Variants in ADAMTSL2 observed in about 807,000 individuals in gnomAD.
The protein encoded by ADAMTSL2 is ADAMTS-like protein 2.
A neutral mutation model predicts 117.0 loss-of-function variants in ADAMTSL2; 55 were observed. The observed-to-expected ratio is 0.47, with a 90% CI of 0.38 to 0.59. ADAMTSL2 has a LOEUF of 0.59. Ranked by LOEUF, ADAMTSL2 falls within the 20% of genes least tolerant of loss-of-function variation. The pLI, the probability that ADAMTSL2 is intolerant of heterozygous loss-of-function variation, is 0.00. For synonymous variants in ADAMTSL2, 572 were observed against 566.4 expected (o/e 1.01, Z -0.14); for missense variants, 1,182 against 1,354.5 (o/e 0.87, Z 2.00).
At position 133,569,403 on chromosome 9, in the gene ADAMTSL2, T is replaced by A; in HGVS notation, c.2245-5T>A. The A allele has an allele frequency of 6.2e-7, 1 of 1,613,234 alleles. No homozygotes were observed. Reference sequence around the variant, plus strand: ...GATGTCCCCTGCCTGTCCTCTCCCCTGCAGTGCAGTGGAAGCTGCGGGCAA... The same window carrying A: ...GATGTCCCCTGCCTGTCCTCTCCCCAGCAGTGCAGTGGAAGCTGCGGGCAA... On this transcript the variant is annotated splice_region_variant and splice_polypyrimidine_tract_variant and intron_variant, in intron 15 of 18. Coordinates refer to ENST00000651351, the MANE Select transcript of ADAMTSL2 (RefSeq NM_014694.4).
chr9:133,568,555 G>A, intron 14 of ADAMTSL2, 48 bp from the exon 15 acceptor site: 1 of 1,557,528 alleles, frequency 6.4e-7, no homozygotes, highest in Non-Finnish European at 8.7e-7. Context: ...GATGGAGGTG[G>A]CTACACCTGT....
At position 133,544,422 on chromosome 9, in the gene ADAMTSL2, G is replaced by T; in HGVS notation, c.683-48G>T. 3 of 1,512,784 alleles carry T rather than the reference G, an allele frequency of 2.0e-6. No homozygotes were observed. In the Middle Eastern group the frequency reaches 5.1e-4, roughly 257 times the overall value. The allele number at this position is 1,512,784 out of a possible 1,614,324, so 93.7% of individuals were successfully genotyped here. A position where few individuals can be genotyped will look rare whatever the true frequency, so the allele number is the denominator to read the frequency against. The stretch of plus-strand genomic sequence containing the variant: ...GTGGAGTGGGCGAGTGCCACCCAAG[G>T]CTGCCTTTCCAATCAAGAGGGGCTC... On this transcript the variant is annotated intron_variant, in intron 7 of 18. Transcript: ENST00000651351.
At chr9:133,539,554 G>T (rs1329236851) in intron 4 of ADAMTSL2, among the ~76,000 whole-genome samples, 1 of 117,438 alleles carries the variant, frequency 8.5e-6, no homozygotes. Context: ...GGCTGGCGTG[G>T]GGGGCGGAGC....
upstream of ADAMTSL2, among the ~76,000 whole-genome samples, chr9:133,533,454 G>C (rs1829982897): frequency 6.6e-6 from 1 of 152,206 alleles, no homozygotes; most frequent in Non-Finnish European, 1.5e-5. Context: ...TGGCATCCCA[G>C]CCTTGCCTAC....
chr9:133,545,713 C>T (rs1830331617), intron 8 of ADAMTSL2, among the ~76,000 whole-genome samples: 1 of 152,220 alleles, frequency 6.6e-6, no homozygotes, highest in African/African-American at 2.4e-5. Flanking sequence ...GCTCTTGAAA[C>T]AGACGCGTAG....
At chr9:133,568,574 C>G (rs1026143071) in intron 14 of ADAMTSL2, 29 bp from the exon 15 acceptor site, 55 of 1,553,506 alleles carry the variant, frequency 3.5e-5, no homozygotes, top group Non-Finnish European at 4.5e-5. Context: ...GTGTCACACC[C>G]CCCCTGCCCC....
intron 7 of ADAMTSL2, among the ~76,000 whole-genome samples, chr9:133,542,480 C>A (rs1219214250): frequency 6.6e-6 from 1 of 152,182 alleles, no homozygotes; most frequent in Non-Finnish European, 1.5e-5. Context: ...AGGCACTGTG[C>A]ACACAGTGAG....
In ADAMTSL2 at chr9:133,568,428, G is replaced by T; in HGVS notation, c.2030G>T (p.Arg677Leu). Residue 677 changes from arginine to leucine, a missense_variant, in exon 14 of 19, where the codon CGC (arginine) becomes CTC (leucine). Arg to Leu is a moderately radical substitution (Grantham distance 102). Coordinates refer to ENST00000651351, the MANE Select transcript of ADAMTSL2 (RefSeq NM_014694.4). ...EAAEAVRPEERKTCRNPACGP... is the reference protein window; with the variant it reads ...EAAEAVRPEELKTCRNPACGP... ...GCCGAGGCCGTGCGGCCCGAGGAACGCAAGACCTGCCGGAACCCCGCCTGC... is the reference window on the plus strand; with the variant it reads ...GCCGAGGCCGTGCGGCCCGAGGAACTCAAGACCTGCCGGAACCCCGCCTGC... 5.0e-6 allele frequency: 8 copies of T among 1,608,900 alleles called. No homozygotes were observed. The highest frequency in any genetic ancestry group is 5.9e-6 in the Non-Finnish European group (7 of 1,178,528).
rs1471634771 is a variant in ADAMTSL2 at position 133,534,804 on chromosome 9, GGCCGCAGCCTCTGCACTCAC to G, written c.-258_-239del. 7.7e-5 allele frequency: 114 copies of G among 1,487,710 alleles called. No homozygotes were observed. Among genetic ancestry groups the G allele is most frequent in the Non-Finnish European group, 9.7e-5 (108 of 1,113,868 alleles). 92.2% of individuals were successfully genotyped at this position (1,487,710 alleles called of 1,614,324 possible). A position where few individuals can be genotyped will look rare whatever the true frequency, so the allele number is the denominator to read the frequency against. On this transcript the variant is annotated 5_prime_UTR_variant, in exon 1 of 19. An upstream open reading frame in the 5' UTR gains an earlier in-frame stop. Coordinates refer to ENST00000651351, the MANE Select transcript of ADAMTSL2 (RefSeq NM_014694.4). Reference sequence around the variant, plus strand: ...GGAGGGGAAGGGGAGAGGGAGGCCGGGCCGCAGCCTCTGCACTCACGCCGCCCCCGCACGCACAGCGCACC... The same window carrying G: ...GGAGGGGAAGGGGAGAGGGAGGCCGGGCCGCCCCCGCACGCACAGCGCACC...
chr9:133,551,975 G>C (rs1320900032), intron 9 of ADAMTSL2, among the ~76,000 whole-genome samples: 1 of 151,872 alleles, frequency 6.6e-6, no homozygotes, highest in African/African-American at 2.4e-5. Flanking sequence ...GATTACAGGC[G>C]CCCACCACCA....
intron 5 of ADAMTSL2, among the ~76,000 whole-genome samples, chr9:133,540,262 G>A (rs1414087951): frequency 6.6e-6 from 1 of 152,200 alleles, no homozygotes; most frequent in South Asian, 2.1e-4. Flanking sequence ...TCCTTCTCCT[G>A]CTCACCCGCA....
chr9:133,574,015 T>C, intron 18 of ADAMTSL2, 28 bp downstream of exon 18: 1 of 1,600,534 alleles, frequency 6.2e-7, no homozygotes, highest in Non-Finnish European at 8.5e-7. Flanking sequence ...CGAGGGTGGC[T>C]CTGGGAATTC....
At position 133,568,686 on chromosome 9, in the gene ADAMTSL2, C is replaced by T; in HGVS notation, c.2172C>T (p.Thr724=). ...ATGAGAAGCTGTGTGACCCCAACAC[C>T]AGGCCTGTAGGGGAGAAGAACTGCA... ...SEDEKLCDPN[T]RPVGEKNCTG... The change falls in exon 15 of 19, where the codon ACC becomes ACT. Residue 724 remains threonine (T), a synonymous_variant. Transcript: ENST00000651351. 3.1e-6 allele frequency: 5 copies of T among 1,613,490 alleles called. No individual in the cohort carries two copies. In the South Asian group the frequency reaches 4.4e-5, roughly 14 times the overall value.
Position 133,557,270 on chromosome 9 carries a change from C to G in ADAMTSL2, c.1649+1340C>G, listed in dbSNP as rs1342490026. Among the ~76,000 whole-genome samples, 1 of 152,136 alleles carries G rather than the reference C, an allele frequency of 6.6e-6. No homozygotes were observed. The highest frequency in any genetic ancestry group is 1.5e-5 in the Non-Finnish European group (1 of 68,018). The stretch of plus-strand genomic sequence containing the variant: ...GCTTTTCTCAAACTGTTTTCTGAGG[C>G]CACCGAGGTGCCTGGGGCTGCGGGG... On this transcript the variant is annotated intron_variant, in intron 11 of 18. Transcript: ENST00000651351. The surrounding 1 kb of genome is among the most constrained non-coding windows in gnomAD (Gnocchi z 5.2).
chr9:133,537,599 G>A (rs778064582), intron 3 of ADAMTSL2, 52 bp downstream of exon 3: 9 of 1,317,960 alleles, frequency 6.8e-6, no homozygotes, highest in South Asian at 5.7e-5. Context: ...GCAGGGTAGC[G>A]GGCAGGAGAG....
At position 133,554,963 on chromosome 9, in the gene ADAMTSL2, T is replaced by C. The variant is rs988445206; in HGVS notation, c.1276+270T>C. Among the ~76,000 whole-genome samples the C allele has an allele frequency of 6.6e-6, 1 of 152,098 alleles. No individual in the cohort carries two copies. Among genetic ancestry groups the C allele is most frequent in the Non-Finnish European group, 1.5e-5 (1 of 68,018 alleles). On this transcript the variant is annotated intron_variant, in intron 10 of 18. Transcript: ENST00000651351. The surrounding 1 kb of genome is among the most constrained non-coding windows in gnomAD (Gnocchi z 5.2). ...AAGAGGAAGTGGCTTGGCCAAGTCA[T>C]GCAGTCCACCGTGGAGGAGCTGGGA... is the stretch of plus-strand genomic sequence containing the variant.
chr9:133,539,672 C>CGGCTGTCCCGGCTGTCCA, intron 4 of ADAMTSL2, 99 bp from the exon 5 acceptor site: 2 of 1,253,144 alleles, frequency 1.6e-6, no homozygotes, highest in Non-Finnish European at 2.2e-6. Flanking sequence ...CCGGCTGTCC[C>CGGCTGTCCCGGCTGTCCA]GGCTGTCCCG....
rs906095479 is a variant in ADAMTSL2, at chr9:133,574,868, C to G, written c.*4C>G. On this transcript the variant is annotated 3_prime_UTR_variant, in exon 19 of 19. Coordinates refer to ENST00000651351, the MANE Select transcript of ADAMTSL2 (RefSeq NM_014694.4). ...CTGCAGGCCCCCCCACTCCTAGGCC[C>G]GGCAGCTGCAGCCCCTTCCAGATGA... 6.2e-7 allele frequency: 1 copy of G among 1,602,068 alleles called. No individual in the cohort carries two copies. Among genetic ancestry groups the G allele is most frequent in the Non-Finnish European group, 8.5e-7 (1 of 1,171,122 alleles).
intron 7 of ADAMTSL2, among the ~76,000 whole-genome samples, chr9:133,543,994 T>C (rs913024424): frequency 6.6e-6 from 1 of 152,256 alleles, no homozygotes; most frequent in African/African-American, 2.4e-5. Context: ...TTGGAGATTC[T>C]ATCTGCAGCT....
Sources: gnomAD v4.1 joint callset for allele counts (sites outside exome capture counted in the v4.1 genomes callset) on GRCh38, gnomAD v4.1.1 for gene constraint, Gnocchi (gnomAD v3.1) non-coding constraint, MANE v1.5 for transcripts, NCBI Gene and HGNC (gene_info 2026-07-23, HGNC 2026-07-21) for gene names.